Variants in WARS2 observed in about 807,000 individuals in gnomAD.
WARS2 encodes the protein tryptophanyl tRNA synthetase 2, mitochondrial, also known as tryptophan--tRNA ligase, mitochondrial.
A neutral mutation model predicts 36.5 loss-of-function variants in WARS2; 28 were observed. The observed-to-expected ratio is 0.77, with a 90% CI of 0.57 to 1.05. The LOEUF is 1.05. WARS2 is among the 50% of genes least tolerant of loss of function. The probability of loss-of-function intolerance (pLI) is 0.00; values close to 1 mark genes in which losing one functional copy is unlikely to be tolerated. For synonymous variants in WARS2, 174 were observed against 178.4 expected (o/e 0.98, Z 0.20); for missense variants, 435 against 456.8 (o/e 0.95, Z 0.44).
chr1:119,140,389 T>C (rs1656869359), intron 1 of WARS2, 166 bp downstream of exon 1: 2 of 508,368 alleles, frequency 3.9e-6, no homozygotes, highest in Admixed American at 4.0e-5. Context: ...CCTTGCAACG[T>C]CACTACGCTC....
intron 1 of WARS2, among the ~76,000 whole-genome samples, chr1:119,095,288 T>C (rs1653349804): frequency 6.6e-6 from 1 of 152,094 alleles, no homozygotes; most frequent in African/African-American, 2.4e-5. Context: ...TACACTGCTA[T>C]ATATAATTTA....
At position 119,033,358 on chromosome 1, in the gene WARS2, T is replaced by C. The variant is rs151101397; in HGVS notation, c.636A>G (p.Thr212=). The C allele has an allele frequency of 1.2e-6, 2 of 1,614,136 alleles. No homozygotes were observed. Among genetic ancestry groups the C allele is most frequent in the African/African-American group, 2.7e-5 (2 of 75,050 alleles). ...EFFPVPESIL[T]SMKKVKSLRD... is the part of the protein sequence containing the mutation. ...GTAGGGATTTTACCTTCTTCATGGA[T>C]GCTAGGTTAAAAACACCAACACACA... The change falls in exon 6 of 6, where the codon ACA becomes ACG. Residue 212 remains threonine (T), a splice_region_variant and synonymous_variant. Transcript: ENST00000235521.
chr1:119,132,316 G>A (rs1656171880), intron 1 of WARS2, among the ~76,000 whole-genome samples: 1 of 152,160 alleles, frequency 6.6e-6, no homozygotes, highest in South Asian at 2.1e-4. Context: ...GGAGTAGCTG[G>A]AAGGTTGCCA....
chr1:119,037,864 T>C (rs1302760821), intron 4 of WARS2, among the ~76,000 whole-genome samples: 2 of 152,250 alleles, frequency 1.3e-5, no homozygotes, highest in Admixed American at 1.3e-4. Context: ...TCTACTTTTC[T>C]GCATCTTCAC....
At chr1:119,135,434 T>A (rs1358540816) in intron 1 of WARS2, among the ~76,000 whole-genome samples, 1 of 152,180 alleles carries the variant, frequency 6.6e-6, no homozygotes, top group East Asian at 1.9e-4. Flanking sequence ...TTTCATTTGA[T>A]AAAAGACTAC....
At chr1:119,100,374 C>T (rs1571357136) in intron 1 of WARS2, among the ~76,000 whole-genome samples, 1 of 152,160 alleles carries the variant, frequency 6.6e-6, no homozygotes, top group African/African-American at 2.4e-5. Context: ...CTATGGAAAA[C>T]TGTATGGAGA....
chr1:119,075,188 T>G (rs1651632349), intron 2 of WARS2, among the ~76,000 whole-genome samples: 1 of 147,944 alleles, frequency 6.8e-6, no homozygotes, highest in African/African-American at 2.6e-5. Flanking sequence ...TCAGTGTGTA[T>G]TTAGGCATCA....
intron 1 of WARS2, among the ~76,000 whole-genome samples, chr1:119,100,172 AC>A (rs1386343499): frequency 1.3e-5 from 2 of 152,208 alleles, no homozygotes; most frequent in Non-Finnish European, 2.9e-5. Flanking sequence ...TCAAAAGAAG[AC>A]ATGAAAATGG....
At chr1:119,077,919 A>C (rs2101328937) in intron 1 of WARS2, among the ~76,000 whole-genome samples, 1 of 152,346 alleles carries the variant, frequency 6.6e-6, no homozygotes, top group African/African-American at 2.4e-5. Context: ...AACCACCACC[A>C]CAGCAAAACA....
intron 2 of WARS2, chr1:119,063,485 T>C (rs945803134): frequency 6.6e-6 from 1 of 152,062 alleles, no homozygotes; most frequent in African/African-American, 2.4e-5. Flanking sequence ...CTCAAGACCA[T>C]GGGGAAAATG....
chr1:119,049,856 A>G (rs1472097814), intron 2 of WARS2, among the ~76,000 whole-genome samples: 6 of 152,182 alleles, frequency 3.9e-5, no homozygotes, highest in Admixed American at 3.3e-4. Context: ...CTCCAGTGTG[A>G]GACACCATCA....
intron 1 of WARS2, among the ~76,000 whole-genome samples, chr1:119,100,581 C>G (rs141244269): frequency 6.6e-6 from 1 of 152,236 alleles, no homozygotes; most frequent in African/African-American, 2.4e-5. Context: ...AAAATGTGTA[C>G]ATATATACAA....
At chr1:119,041,186 T>C (rs575967917) in intron 4 of WARS2, among the ~76,000 whole-genome samples, 11 of 152,318 alleles carry the variant, frequency 7.2e-5, no homozygotes, top group Non-Finnish European at 1.6e-4. Flanking sequence ...ATGCAAAGAA[T>C]TGCAATTCAC....
chr1:119,132,843 G>T (rs1432005636), intron 1 of WARS2, among the ~76,000 whole-genome samples: 1 of 152,068 alleles, frequency 6.6e-6, no homozygotes, highest in Non-Finnish European at 1.5e-5. Context: ...TATAATTAAT[G>T]AATTATAGAC....
At chr1:119,113,477 A>G (rs1654777761) in intron 1 of WARS2, among the ~76,000 whole-genome samples, 1 of 152,198 alleles carries the variant, frequency 6.6e-6, no homozygotes, top group African/African-American at 2.4e-5. Context: ...TCACTCAGAT[A>G]GCAGATTCCT....
chr1:119,103,168 T>C (rs1210669723), intron 1 of WARS2, among the ~76,000 whole-genome samples: 4 of 152,218 alleles, frequency 2.6e-5, no homozygotes, highest in African/African-American at 9.6e-5. Flanking sequence ...TACTGGTCCA[T>C]GTTTGTTTGC....
intron 2 of WARS2, among the ~76,000 whole-genome samples, chr1:119,057,717 G>C (rs1649958186): frequency 6.6e-6 from 1 of 151,370 alleles, no homozygotes; most frequent in Non-Finnish European, 1.5e-5. Flanking sequence ...TTGAACCCGG[G>C]AGGCAGAGGT....
chr1:119,049,899 A>G (rs1649192276), intron 2 of WARS2, among the ~76,000 whole-genome samples: 2 of 152,060 alleles, frequency 1.3e-5, no homozygotes, highest in Admixed American at 6.6e-5. Context: ...TAACTTCCCA[A>G]CTGGTCTCCC....
chr1:119,072,905 A>G (rs1352681331), intron 2 of WARS2, among the ~76,000 whole-genome samples: 1 of 152,166 alleles, frequency 6.6e-6, no homozygotes, highest in Non-Finnish European at 1.5e-5. Flanking sequence ...CTATAATCCC[A>G]ACACTTTGGA....
Sources: gnomAD v4.1 joint callset for allele counts (sites outside exome capture counted in the v4.1 genomes callset) on GRCh38, gnomAD v4.1.1 for gene constraint, MANE v1.5 for transcripts, NCBI Gene and HGNC (gene_info 2026-07-23, HGNC 2026-07-21) for gene names.